Variants in CSMD1 observed in about 807,000 individuals in gnomAD.
The protein encoded by CSMD1 is CUB and sushi domain-containing protein 1.
A neutral mutation model predicts 417.5 loss-of-function variants in CSMD1; 213 were observed. The ratio of observed to expected loss-of-function variants is 0.51; its 90% CI spans 0.46 to 0.57. CSMD1 has a LOEUF of 0.57. Ranked by LOEUF, CSMD1 falls within the 20% of genes least tolerant of loss-of-function variation. CSMD1 has a pLI of 0.00. For missense variants in CSMD1, 6,923 were observed against 4,529.7 expected (o/e 1.53, Z -15.17); for synonymous variants, 2,862 against 1,736.8 (o/e 1.65, Z -16.11).
chr8:4,256,948 T>G (rs1203525076), intron 3 of CSMD1, among the ~76,000 whole-genome samples: 1 of 152,234 alleles, frequency 6.6e-6, no homozygotes, highest in Non-Finnish European at 1.5e-5. Flanking sequence ...CGTGGGCTGC[T>G]GACCTCTAAT....
intron 37 of CSMD1, among the ~76,000 whole-genome samples, chr8:3,177,723 C>A (rs551251521): frequency 1.3e-5 from 2 of 152,214 alleles, no homozygotes; most frequent in South Asian, 2.1e-4. Flanking sequence ...GTTGTTCCTC[C>A]CACCAGCTTC....
intron 12 of CSMD1, among the ~76,000 whole-genome samples, chr8:3,411,728 A>ATATACACGTGTATATATACACGTG (rs1812725765): frequency 1.5e-5 from 2 of 137,314 alleles, no homozygotes; most frequent in Non-Finnish European, 3.1e-5. Context: ...ACACGTACAT[A>ATATACACGTGTATATATACACGTG]TATACACGTG....
intron 5 of CSMD1, among the ~76,000 whole-genome samples, chr8:3,974,920 TA>T (rs1302095611): frequency 8.5e-5 from 13 of 152,160 alleles, no homozygotes; most frequent in Non-Finnish European, 1.8e-4. Context: ...ACAATAAAAT[TA>T]TCTTGATTAC....
intron 1 of CSMD1, among the ~76,000 whole-genome samples, chr8:4,798,345 C>T (rs1798095470): frequency 1.3e-5 from 2 of 152,084 alleles, no homozygotes; most frequent in African/African-American, 2.4e-5. Flanking sequence ...ATGAACTCAT[C>T]CTTTTTTATG....
rs554301569 is a variant in CSMD1 at position 3,296,101 on chromosome 8, A to C, written c.3950+11594T>G. 2.0e-5 allele frequency among the ~76,000 whole-genome samples: 3 copies of C among 152,172 alleles called. No individual in the cohort carries two copies. In the South Asian group the frequency reaches 6.2e-4, roughly 32 times the overall value. ...TGTTAGTAGGTGGTAAATGCAATTGAAGAAATAAAAAAGTAGACAGGAAAA... is the reference window on the plus strand; with the variant it reads ...TGTTAGTAGGTGGTAAATGCAATTGCAGAAATAAAAAAGTAGACAGGAAAA... On this transcript the variant is annotated intron_variant, in intron 25 of 69. Coordinates refer to ENST00000635120, the MANE Select transcript of CSMD1 (RefSeq NM_033225.6).
chr8:4,392,516 T>C (rs1170717371), intron 3 of CSMD1, among the ~76,000 whole-genome samples: 2 of 152,034 alleles, frequency 1.3e-5, no homozygotes, highest in Non-Finnish European at 2.9e-5. Context: ...TCACGGTTTG[T>C]GTGTGGAGAT....
At chr8:4,680,764 G>A (rs866158472) in intron 1 of CSMD1, among the ~76,000 whole-genome samples, 2 of 152,176 alleles carry the variant, frequency 1.3e-5, no homozygotes. Context: ...ATTTTTAGTA[G>A]AGACGAGGTT....
rs369582634 is a variant in CSMD1, at chr8:3,898,573, T to C, written c.818+99330A>G. 1.9e-3 allele frequency among the ~76,000 whole-genome samples: 284 copies of C among 152,320 alleles called. 3 individuals are homozygous for C. Among genetic ancestry groups the C allele is most frequent in the African/African-American group, 6.4e-3 (268 of 41,588 alleles). Reference sequence around the variant, plus strand: ...CATAAATCTATCCTGTAATGGAATATGAAGATAGAAAAAAGATTTGCCTGG... The same window carrying C: ...CATAAATCTATCCTGTAATGGAATACGAAGATAGAAAAAAGATTTGCCTGG... On this transcript the variant is annotated intron_variant, in intron 5 of 69. Coordinates refer to ENST00000635120, the MANE Select transcript of CSMD1 (RefSeq NM_033225.6).
chr8:4,908,912 A>G (rs970336478), intron 1 of CSMD1, among the ~76,000 whole-genome samples: 6 of 152,144 alleles, frequency 3.9e-5, no homozygotes, highest in African/African-American at 1.4e-4. Flanking sequence ...CATATCTCTC[A>G]AATCTCAGTC....
At chr8:3,024,480 A>C (rs1809705054) in intron 51 of CSMD1, among the ~76,000 whole-genome samples, 1 of 151,970 alleles carries the variant, frequency 6.6e-6, no homozygotes, top group African/African-American at 2.4e-5. Context: ...TAATTTTTGT[A>C]TTTTTTAGTA....
intron 6 of CSMD1, among the ~76,000 whole-genome samples, chr8:3,735,817 A>C (rs1382151829): frequency 6.6e-6 from 1 of 152,232 alleles, no homozygotes; most frequent in Non-Finnish European, 1.5e-5. Context: ...ACTTTCTATC[A>C]GTATTCATTT....
At chr8:4,466,845 A>G (rs1470131002) in intron 2 of CSMD1, among the ~76,000 whole-genome samples, 1 of 152,134 alleles carries the variant, frequency 6.6e-6, no homozygotes, top group Non-Finnish European at 1.5e-5. Flanking sequence ...CAGGGGAAAC[A>G]TTATTCCAAG....
intron 5 of CSMD1, among the ~76,000 whole-genome samples, chr8:3,846,732 A>G (rs1020556535): frequency 6.6e-6 from 1 of 152,046 alleles, no homozygotes; most frequent in Non-Finnish European, 1.5e-5. Flanking sequence ...ACCTTGACTC[A>G]CTGCAACCTC....
chr8:3,110,181 A>C lies in CSMD1; in HGVS notation c.6585T>G (p.Ala2195=). Reference sequence around the variant, plus strand: ...ACCAAACAGCAATGTAATCGTTGACAGCTTCCGTCTGTAACAGGGTGAAGT... The same window carrying C: ...ACCAAACAGCAATGTAATCGTTGACCGCTTCCGTCTGTAACAGGGTGAAGT... ...YINFTLLQTE[A]VNDYIAVWDG... The change falls in exon 43 of 70, where the codon GCT becomes GCG. Residue 2195 remains alanine (A), a synonymous_variant. Coordinates refer to ENST00000635120, the MANE Select transcript of CSMD1 (RefSeq NM_033225.6). 1 of 1,609,300 alleles carries C rather than the reference A, an allele frequency of 6.2e-7. No individual in the cohort carries two copies. Among genetic ancestry groups the C allele is most frequent in the Non-Finnish European group, 8.5e-7 (1 of 1,178,088 alleles).
intron 3 of CSMD1, among the ~76,000 whole-genome samples, chr8:4,153,301 C>T (rs1006471968): frequency 7.9e-5 from 12 of 152,174 alleles, no homozygotes; most frequent in East Asian, 1.9e-4. Flanking sequence ...AGTTCATCTC[C>T]GGGCTCTTCT....
intron 6 of CSMD1, among the ~76,000 whole-genome samples, chr8:3,721,134 T>C (rs1283879847): frequency 6.6e-5 from 10 of 152,164 alleles, no homozygotes; most frequent in Non-Finnish European, 1.3e-4. Flanking sequence ...GTTGCGACTT[T>C]TGCATAATGG....
intron 1 of CSMD1, among the ~76,000 whole-genome samples, chr8:4,645,444 C>CAAAA (rs549511320): frequency 0.019 from 706 of 36,820 alleles, 147 homozygotes; most frequent in South Asian, 0.041. Context: ...AGTGCAGGGG[C>CAAAA]AAAAAAAAAA....
intron 26 of CSMD1, among the ~76,000 whole-genome samples, chr8:3,241,262 G>A (rs1307531761): frequency 2.0e-5 from 3 of 150,444 alleles, no homozygotes; most frequent in Admixed American, 6.7e-5. Flanking sequence ...TGGCACCAGA[G>A]TTGGGGAGTT....
At chr8:3,835,627 G>A (rs905863632) in intron 5 of CSMD1, among the ~76,000 whole-genome samples, 18 of 151,760 alleles carry the variant, frequency 1.2e-4, no homozygotes, top group South Asian at 6.3e-4. Flanking sequence ...CGAGTTAATG[G>A]GTGCAGCACA....
Sources: allele counts gnomAD v4.1 joint callset (sites outside exome capture counted in the v4.1 genomes callset), GRCh38; gene constraint gnomAD v4.1.1; transcripts MANE v1.5; gene names NCBI Gene and HGNC (gene_info 2026-07-23, HGNC 2026-07-21).